SLCO4A1: variants seen among roughly 807,000 people sequenced by gnomAD.
The protein encoded by SLCO4A1 is solute carrier organic anion transporter family member 4A1.
In SLCO4A1, 51 loss-of-function variants were observed where a neutral mutation model predicts 64.6. That is an observed-to-expected ratio of 0.79 (90% CI 0.63 to 1.00). SLCO4A1 has a LOEUF of 1.00. SLCO4A1 is among the 50% of genes least tolerant of loss of function. SLCO4A1 has a pLI of 0.00. For missense variants in SLCO4A1, 919 were observed against 980.5 expected (o/e 0.94, Z 0.84); for synonymous variants, 471 against 444.9 (o/e 1.06, Z -0.74).
chr20:62,662,348 C>G (rs373927489), intron 5 of SLCO4A1, among the ~76,000 whole-genome samples: 1 of 152,044 alleles, frequency 6.6e-6, no homozygotes, highest in Non-Finnish European at 1.5e-5. Context: ...GGCACTGGCT[C>G]ACCCTCTCTC....
At chr20:62,676,830 A>G (rs1987617114), downstream of SLCO4A1, among the ~76,000 whole-genome samples, 1 of 152,218 alleles carries the variant, frequency 6.6e-6, no homozygotes, top group Non-Finnish European at 1.5e-5. Flanking sequence ...CCACATAAAG[A>G]CATGCATACA....
At chr20:62,677,415 A>G (rs1312782380) in intron 2 of SLCO4A1, among the ~76,000 whole-genome samples, 1 of 152,080 alleles carries the variant, frequency 6.6e-6, no homozygotes, top group African/African-American at 2.4e-5. Context: ...CTGTTCCATA[A>G]CTTTCTGGTG....
chr20:62,665,129 A>G (rs746098833), intron 6 of SLCO4A1, 41 bp downstream of exon 6: 2 of 1,574,314 alleles, frequency 1.3e-6, no homozygotes, highest in Admixed American at 3.7e-5. Context: ...CTTTTATGTC[A>G]GTTCTCAGAA....
At chr20:62,665,262 C>A in intron 6 of SLCO4A1, 174 bp downstream of exon 6, 1 of 664,554 alleles carries the variant, frequency 1.5e-6, no homozygotes, top group Non-Finnish European at 2.5e-6. Context: ...ACTCTGTCCA[C>A]AGGCCGGGAG....
At position 62,660,445 on chromosome 20, in the gene SLCO4A1, C is replaced by T. The variant is rs1423633624; in HGVS notation, c.921C>T (p.Val307=). ...TELTTESPLW[V]GAWWVGFLGS... ...TGACCACCGAGAGCCCACTGTGGGT[C>T]GGCGCCTGGTGGGTCGGCTTCCTGG... is the stretch of plus-strand genomic sequence containing the variant. The change falls in exon 4 of 12, where the codon GTC becomes GTT. Residue 307 remains valine (V), a synonymous_variant. Transcript: ENST00000217159. 29 of 1,600,702 alleles carry T rather than the reference C, an allele frequency of 1.8e-5. No individual in the cohort carries two copies. The highest frequency in any genetic ancestry group is 2.2e-5 in the East Asian group (1 of 44,854).
chr20:62,669,663 A>T lies in SLCO4A1; in HGVS notation c.2025+585A>T, dbSNP rs374741453. Among the ~76,000 whole-genome samples the T allele has an allele frequency of 4.6e-5, 7 of 152,226 alleles. No homozygotes were observed. In the East Asian group the frequency reaches 7.7e-4, roughly 17 times the overall value. ...ATTTGCCCCCATTAGACGATAAAGC[A>T]CAAAGCCTTCTAAATAAAATGCGGT... On this transcript the variant is annotated intron_variant, in intron 11 of 11. Coordinates refer to ENST00000217159, the MANE Select transcript of SLCO4A1 (RefSeq NM_016354.4).
At chr20:62,653,875 C>G (rs1312972092) in intron 1 of SLCO4A1, among the ~76,000 whole-genome samples, 1 of 148,858 alleles carries the variant, frequency 6.7e-6, no homozygotes, top group East Asian at 2.0e-4. Context: ...GAACATCACA[C>G]CCCGGGGCCT....
chr20:62,670,581 G>T (rs1987076653), intron 11 of SLCO4A1, among the ~76,000 whole-genome samples: 1 of 152,250 alleles, frequency 6.6e-6, no homozygotes, highest in Admixed American at 6.5e-5. Context: ...GTCCACAGGG[G>T]TCTCAGTGTC....
chr20:62,672,618 C>T (rs923040367), downstream of SLCO4A1: 4 of 152,246 alleles, frequency 2.6e-5, no homozygotes, highest in East Asian at 1.9e-4. Context: ...CCTCATCTTG[C>T]GTTACATTTC....
chr20:62,668,210 G>A (rs1986724216), intron 9 of SLCO4A1, 26 bp downstream of exon 9: 1 of 1,612,854 alleles, frequency 6.2e-7, no homozygotes, highest in Admixed American at 1.7e-5. Flanking sequence ...GTGTGCGCTT[G>A]TCCAGAGCTT....
chr20:62,682,166 G>A (rs1265341593), intron 2 of SLCO4A1, among the ~76,000 whole-genome samples: 1 of 152,220 alleles, frequency 6.6e-6, no homozygotes, highest in Non-Finnish European at 1.5e-5. Context: ...GTGTTAGCTT[G>A]TCAGGGGCAG....
chr20:62,677,019 C>T (rs1987628795), downstream of SLCO4A1, among the ~76,000 whole-genome samples: 1 of 152,182 alleles, frequency 6.6e-6, no homozygotes, highest in African/African-American at 2.4e-5. Flanking sequence ...TTGAAACATG[C>T]TCAGTGAAAG....
Position 62,661,185 on chromosome 20 carries a change from G to A in SLCO4A1, c.1121+10G>A, listed in dbSNP as rs139282157. ...TCAGAGACCTGCCTCTGTAAGGACC[G>A]GAGTCGGGAGGGTTCCTAGTGTCCT... On this transcript the variant is annotated intron_variant, in intron 5 of 11. Coordinates refer to ENST00000217159, the MANE Select transcript of SLCO4A1 (RefSeq NM_016354.4). The surrounding 1 kb of genome is among the most constrained non-coding windows in gnomAD (Gnocchi z 5.2). 2,621 of 1,588,280 alleles carry A rather than the reference G, an allele frequency of 1.7e-3. 43 individuals carry two copies. The African/African-American group carries it at 0.029, about 17-fold the overall frequency.
At chr20:62,658,844 C>G (rs1984247543) in intron 3 of SLCO4A1, 77 bp downstream of exon 3, 1 of 1,283,650 alleles carries the variant, frequency 7.8e-7, no homozygotes, top group East Asian at 2.5e-5. Context: ...GTCAGCAGGG[C>G]CCACTCTGAG....
chr20:62,683,080 G>A (rs755308762), intron 2 of SLCO4A1, among the ~76,000 whole-genome samples: 2 of 152,238 alleles, frequency 1.3e-5, no homozygotes, highest in East Asian at 1.9e-4. Flanking sequence ...CATAGGGAGC[G>A]ATTACTCAGA....
chr20:62,676,021 A>T (rs1987576237), downstream of SLCO4A1, among the ~76,000 whole-genome samples: 1 of 152,198 alleles, frequency 6.6e-6, no homozygotes, highest in South Asian at 2.1e-4. Flanking sequence ...TGTGCTGTGC[A>T]CTAAATGTTC....
chr20:62,667,043 G>A (rs947775860), intron 7 of SLCO4A1, among the ~76,000 whole-genome samples: 1 of 152,222 alleles, frequency 6.6e-6, no homozygotes, highest in Admixed American at 6.5e-5. Context: ...TGCCCTGCGG[G>A]CCCCGGGAGT....
At chr20:62,659,156 CAG>C (rs1984316048) in intron 3 of SLCO4A1, among the ~76,000 whole-genome samples, 1 of 152,222 alleles carries the variant, frequency 6.6e-6, no homozygotes, top group African/African-American at 2.4e-5. Context: ...GAGGGAGAGG[CAG>C]AGAGAGACAG....
Position 62,645,901 on chromosome 20 carries a change from C to T in SLCO4A1, c.-97+3348C>T, listed in dbSNP as rs559906819. On this transcript the variant is annotated intron_variant, in intron 1 of 11. Transcript: ENST00000217159. This position sits in a 1 kb window ranked among gnomAD's most constrained non-coding sequence, Gnocchi z 4.2. ...TGGCCCAAGCCGCAGGGAGAGCTTGCGATGCTTTGGGTGGCGTGTGTCGTC... is the reference window on the plus strand; with the variant it reads ...TGGCCCAAGCCGCAGGGAGAGCTTGTGATGCTTTGGGTGGCGTGTGTCGTC... 2.6e-5 allele frequency among the ~76,000 whole-genome samples: 4 copies of T among 152,186 alleles called. No individual in the cohort carries two copies. The highest frequency in any genetic ancestry group is 9.6e-5 in the African/African-American group (4 of 41,532).
Sources: gnomAD v4.1 joint callset for allele counts (sites outside exome capture counted in the v4.1 genomes callset) on GRCh38, gnomAD v4.1.1 for gene constraint, Gnocchi (gnomAD v3.1) non-coding constraint, MANE v1.5 for transcripts, NCBI Gene and HGNC (gene_info 2026-07-23, HGNC 2026-07-21) for gene names.